The following API5 variants were observed in gnomAD, a reference collection of about 807,000 sequenced individuals.
API5 encodes FIF.
In API5, 6 loss-of-function variants were observed where a neutral mutation model predicts 71.9. The ratio of observed to expected loss-of-function variants is 0.08; its 90% confidence interval spans 0.05 to 0.16. The LOEUF is 0.16. Among genes scored for constraint, API5 ranks in the 10% least tolerant of loss-of-function variants. The pLI is 1.00. For missense variants in API5, 332 were observed against 612.8 expected, an observed-to-expected ratio of 0.54 and a Z score of 4.84; for synonymous variants, 189 against 221.3, an observed-to-expected ratio of 0.85 and a Z score of 1.30.
chr11:43,340,154 G>A, intron 13 of API5: 1 of 270,528 alleles, frequency 3.7e-6, no homozygotes, highest in South Asian at 3.4e-5. Context: ...CAGTGAACTA[G>A]CTGAAAAAGA....
chr11:43,316,671 T>C (rs1854682320), intron 1 of API5, among the ~76,000 whole-genome samples: 1 of 152,012 alleles, frequency 6.6e-6, no homozygotes. Context: ...CAGGCTGGAG[T>C]GCAGTGGCGC....
chr11:43,318,429 A>C (rs1854750784), intron 1 of API5: 1 of 1,533,716 alleles, frequency 6.5e-7, no homozygotes, highest in Non-Finnish European at 8.7e-7. Flanking sequence ...AGACTCATCC[A>C]TCTCCCCCAA....
chr11:43,328,683 T>C, intron 8 of API5, 29 bp from the exon 9 acceptor site: 1 of 1,592,458 alleles, frequency 6.3e-7, no homozygotes, highest in Non-Finnish European at 8.6e-7. Context: ...TAGAACAGAT[T>C]GCAAAATCTG....
intron 11 of API5, among the ~76,000 whole-genome samples, chr11:43,330,877 A>G (rs1855228643): frequency 6.6e-6 from 1 of 152,092 alleles, no homozygotes; most frequent in Non-Finnish European, 1.5e-5. Flanking sequence ...TATGTAATAA[A>G]TTGAGAGCTT....
At chr11:43,328,948 G>A (rs1254931811) in intron 9 of API5, 55 bp downstream of exon 9, 30 of 1,582,970 alleles carry the variant, frequency 1.9e-5, no homozygotes, top group Non-Finnish European at 2.3e-5. Flanking sequence ...CTATCCTGAA[G>A]TTCCTTGGGT....
chr11:43,318,863 A>T, intron 2 of API5, 62 bp downstream of exon 2: 1 of 1,500,982 alleles, frequency 6.7e-7, no homozygotes, highest in African/African-American at 1.4e-5. Context: ...GGCTGATACA[A>T]TTGGAGTAGC....
In API5 at chr11:43,322,029, A is replaced by G. The variant is rs759721191; in HGVS notation, c.436A>G (p.Ile146Val). 8.7e-6 allele frequency: 14 copies of G among 1,613,534 alleles called. No homozygotes were observed. The highest frequency in any genetic ancestry group is 1.7e-5 in the Admixed American group (1 of 59,966). ...CAGCCAAATACTTCAAGGAGAGGAC[A>G]TTGTTAGAGAACGAGCAATTAAATT... ...LFSQILQGEDIVRERAIKFLS... is the reference protein window; with the variant it reads ...LFSQILQGEDVVRERAIKFLS... Residue 146 changes from isoleucine to valine, a missense_variant, in exon 5 of 14, where the codon ATT (isoleucine) becomes GTT (valine). Physicochemically the swap from Ile to Val is conservative, Grantham distance 29 (BLOSUM62 3). Transcript: ENST00000531273.
Position 43,342,894 on chromosome 11 carries a change from C to T in API5, c.*384C>T. 2.0e-6 allele frequency: 1 copy of T among 495,972 alleles called. No individual in the cohort carries two copies. Among genetic ancestry groups the T allele is most frequent in the Non-Finnish European group, 3.6e-6 (1 of 281,676 alleles). The allele number at this position is 495,972 out of a possible 1,614,324, so 30.7% of individuals were successfully genotyped here. ...GAAAGGTTACTGATTTTCCTCTTCC[C>T]TCTTAGTTTTTTACCCAATATATGG... On this transcript the variant is annotated 3_prime_UTR_variant, in exon 14 of 14. Transcript: ENST00000531273.
At chr11:43,331,499 A>G (rs1005961122) in intron 11 of API5, 1 of 228,068 alleles carries the variant, frequency 4.4e-6, no homozygotes, top group Non-Finnish European at 8.6e-6. Flanking sequence ...TTTTATTATA[A>G]AGAAGAGAAA....
At chr11:43,319,404 G>T (rs746143086) in intron 2 of API5, among the ~76,000 whole-genome samples, 3 of 152,138 alleles carry the variant, frequency 2.0e-5, no homozygotes, top group Non-Finnish European at 4.4e-5. Flanking sequence ...ATTTCATGCA[G>T]AATTTGCTGG....
In API5 at chr11:43,328,808, T is replaced by C. The variant is rs780730102; in HGVS notation, c.1042T>C (p.Tyr348His). Residue 348 changes from tyrosine to histidine, a missense_variant, in exon 9 of 14, where the codon TAC becomes CAC. Tyr to His is a moderately conservative substitution (Grantham distance 83). Coordinates refer to ENST00000531273, the MANE Select transcript of API5 (RefSeq NM_001142930.2). ...LQFSYVECLLYSFHQLGRKLP... is the reference protein window; with the variant it reads ...LQFSYVECLLHSFHQLGRKLP... ...GTTCAGTTATGTGGAATGTTTGTTG[T>C]ACAGTTTTCACCAGTTGGGCCGAAA... 1 of 1,614,062 alleles carries C rather than the reference T, an allele frequency of 6.2e-7. No individual in the cohort carries two copies. The highest frequency in any genetic ancestry group is 1.7e-5 in the Admixed American group (1 of 59,998).
At chr11:43,315,380 C>A (rs974631514) in intron 1 of API5, among the ~76,000 whole-genome samples, 45 of 151,912 alleles carry the variant, frequency 3.0e-4, no homozygotes, top group Non-Finnish European at 5.9e-4. Context: ...GGGTTAAATC[C>A]TTTTATGTAT....
At chr11:43,320,497 A>G (rs1055711459) in intron 2 of API5, among the ~76,000 whole-genome samples, 3 of 152,048 alleles carry the variant, frequency 2.0e-5, no homozygotes, top group Non-Finnish European at 2.9e-5. Context: ...TAATCCCAAC[A>G]CTTTGGGAGG....
intron 1 of API5, among the ~76,000 whole-genome samples, chr11:43,316,078 G>T (rs1198009055): frequency 6.6e-6 from 1 of 152,130 alleles, no homozygotes; most frequent in East Asian, 1.9e-4. Flanking sequence ...GGGTTGGCGT[G>T]TAGGCTTCTT....
chr11:43,333,556 A>G (rs1278453147), intron 11 of API5, among the ~76,000 whole-genome samples: 4 of 152,278 alleles, frequency 2.6e-5, no homozygotes, highest in Middle Eastern at 3.4e-3. Flanking sequence ...ATACAGATAG[A>G]TTACATTAAT....
At chr11:43,332,553 A>T (rs1017138960) in intron 11 of API5, among the ~76,000 whole-genome samples, 1 of 152,144 alleles carries the variant, frequency 6.6e-6, no homozygotes, top group African/African-American at 2.4e-5. Context: ...AGATGAAGAG[A>T]TACATAGGGA....
chr11:43,318,905 C>T (rs1308608636), intron 2 of API5, 104 bp downstream of exon 2: 1 of 1,201,244 alleles, frequency 8.3e-7, no homozygotes, highest in African/African-American at 1.5e-5. Context: ...CAATAAAATA[C>T]TATGGTATGG....
intron 1 of API5, among the ~76,000 whole-genome samples, chr11:43,316,248 T>G (rs188928325): frequency 2.2e-3 from 340 of 152,300 alleles, no homozygotes; most frequent in African/African-American, 8.0e-3. Context: ...ATAAGAATAG[T>G]AGTAACACCT....
chr11:43,321,200 G>C (rs536598791), intron 3 of API5, among the ~76,000 whole-genome samples: 28 of 151,944 alleles, frequency 1.8e-4, no homozygotes, highest in South Asian at 1.4e-3. Context: ...TTTCATAATT[G>C]TAGCATCTTA....
Sources: gnomAD v4.1 joint callset for allele counts (sites outside exome capture counted in the v4.1 genomes callset) on GRCh38, gnomAD v4.1.1 for gene constraint, MANE v1.5 for transcripts, NCBI Gene and HGNC (gene_info 2026-07-23, HGNC 2026-07-21) for gene names.